The following SLFN11 variants were observed in gnomAD, a reference collection of about 807,000 sequenced individuals.
SLFN11 encodes schlafen family member 11.
A neutral mutation model predicts 53.4 loss-of-function variants in SLFN11; 43 were observed. That is an observed-to-expected ratio of 0.80 (90% CI 0.63 to 1.04). The LOEUF is 1.04. Ranked by LOEUF, SLFN11 falls within the 50% of genes least tolerant of loss-of-function variation. The probability of loss-of-function intolerance (pLI) is 0.00; values close to 1 mark genes in which losing one functional copy is unlikely to be tolerated. For missense variants in SLFN11, 990 were observed against 1,079.1 expected (o/e 0.92, Z 1.16); for synonymous variants, 389 against 394.7 (o/e 0.99, Z 0.17).
rs1328037924 is a variant in SLFN11 at position 35,352,486 on chromosome 17, C to T, written c.2576G>A (p.Gly859Asp). 1.3e-5 allele frequency: 21 copies of T among 1,614,160 alleles called. No homozygotes were observed. Among genetic ancestry groups the T allele is most frequent in the Non-Finnish European group, 1.8e-5 (21 of 1,180,016 alleles). The change falls in exon 7 of 7, where the codon GGC becomes GAC. Residue 859 changes from glycine to aspartate, a missense_variant. By Grantham distance (94) the Gly-to-Asp change is moderately conservative (BLOSUM62 -1). Coordinates refer to ENST00000685675, the MANE Select transcript of SLFN11 (RefSeq NM_001376007.1). The part of the protein sequence containing the change: ...IVLDSVRRFS[G>D]LERSIVFGIH... ...CCCAAACACTATGCTCCTTTCCAGG[C>T]CTGAGAATCGCCGAACACTGTCCAA...
At chr17:35,365,360 T>C (rs1908826978) in intron 3 of SLFN11, among the ~76,000 whole-genome samples, 1 of 152,132 alleles carries the variant, frequency 6.6e-6, no homozygotes, top group Non-Finnish European at 1.5e-5. Context: ...CACAGCTCAC[T>C]GCAGCCTCAA....
At chr17:35,357,171 TG>T (rs1907619968) in intron 5 of SLFN11, among the ~76,000 whole-genome samples, 4 of 149,532 alleles carry the variant, frequency 2.7e-5, no homozygotes, top group Non-Finnish European at 6.0e-5. Context: ...TGTGTGTGTG[TG>T]TGTGTCTGTG....
At chr17:35,356,627 C>T (rs1318657808) in intron 5 of SLFN11, among the ~76,000 whole-genome samples, 1 of 152,012 alleles carries the variant, frequency 6.6e-6, no homozygotes, top group Non-Finnish European at 1.5e-5. Context: ...TGCACAATTC[C>T]TTATTCTTTT....
chr17:35,350,940 C>A lies in SLFN11; in HGVS notation c.*1416G>T, dbSNP rs534785632. On this transcript the variant is annotated 3_prime_UTR_variant, in exon 7 of 7. Transcript: ENST00000685675. ...AGTGTTTTAGAACGTTTTGTAGAGA[C>A]TGAAAAGCAAATAAATAATTGCATT... The A allele has an allele frequency of 6.6e-6, 1 of 152,334 alleles. No individual in the cohort carries two copies. The highest frequency in any genetic ancestry group is 1.9e-4 in the East Asian group (1 of 5,196). 9.4% of individuals were successfully genotyped at this position (152,334 alleles called of 1,614,324 possible).
At chr17:35,354,089 G>A (rs1434945192) in intron 5 of SLFN11, 30 bp from the exon 6 acceptor site, 4 of 1,537,304 alleles carry the variant, frequency 2.6e-6, no homozygotes, top group South Asian at 2.6e-5. Flanking sequence ...TAAATTAGAG[G>A]AAGAGAAATA....
chr17:35,362,764 T>G lies in SLFN11; in HGVS notation c.1044A>C (p.Val348=). 2 of 1,584,900 alleles carry G rather than the reference T, an allele frequency of 1.3e-6. No homozygotes were observed. The highest frequency in any genetic ancestry group is 1.7e-6 in the Non-Finnish European group (2 of 1,165,818). Residue 348 remains valine (V), a synonymous_variant, in exon 4 of 7, where the codon GTA becomes GTC. Coordinates refer to ENST00000685675, the MANE Select transcript of SLFN11 (RefSeq NM_001376007.1). ...YVCSLTTEKW[V]GMMTDTDPDL... is the part of the protein sequence containing the mutation. ...CTGGATCTGTGTCTGTCATCATGCC[T>G]ACCCATTTCTCGGTTGTCAGGCTGC...
Position 35,353,638 on chromosome 17 carries a change from G to A in SLFN11, c.1620C>T (p.Ser540=), listed in dbSNP as rs1056236162. 30 of 1,130,448 alleles carry A rather than the reference G, an allele frequency of 2.7e-5. No individual in the cohort carries two copies. Among genetic ancestry groups the A allele is most frequent in the Non-Finnish European group, 3.6e-5 (30 of 828,318 alleles). The allele number at this position is 1,130,448 out of a possible 1,614,324, so 70.0% of individuals were successfully genotyped here. Residue 540 remains serine, a synonymous_variant, in exon 6 of 7, where the codon AGC becomes AGT. Transcript: ENST00000685675. ...VSPMDYPASY[S]LAGTQHMEAL... Reference sequence around the variant, plus strand: ...CTTCCATGTGCTGGGTGCCTGCAAGGCTATAGGACGCAGGGTAATCCATCG... The same window carrying A: ...CTTCCATGTGCTGGGTGCCTGCAAGACTATAGGACGCAGGGTAATCCATCG...
intron 5 of SLFN11, among the ~76,000 whole-genome samples, chr17:35,359,274 A>T (rs1297620463): frequency 6.6e-6 from 1 of 152,096 alleles, no homozygotes; most frequent in Non-Finnish European, 1.5e-5. Flanking sequence ...CGCTTAATAG[A>T]TTTACTGTTA....
rs1296846511 is a variant in SLFN11, at chr17:35,351,366, G to C, written c.*990C>G. ...AGTGCAGGTTGGGGCTTCAACACGG[G>C]AATTTGGGGGTGAAGGGTGGGACAC... On this transcript the variant is annotated 3_prime_UTR_variant, in exon 7 of 7. Coordinates refer to ENST00000685675, the MANE Select transcript of SLFN11 (RefSeq NM_001376007.1). 6.6e-6 allele frequency: 1 copy of C among 152,114 alleles called. No homozygotes were observed. Among genetic ancestry groups the C allele is most frequent in the Non-Finnish European group, 1.5e-5 (1 of 68,044 alleles). The allele number at this position is 152,114 out of a possible 1,614,324, so 9.4% of individuals were successfully genotyped here.
At position 35,352,806 on chromosome 17, in the gene SLFN11, A is replaced by G; in HGVS notation, c.2256T>C (p.Pro752=). The G allele has an allele frequency of 6.2e-7, 1 of 1,614,244 alleles. No homozygotes were observed. Residue 752 remains proline, a synonymous_variant, in exon 7 of 7, where the codon CCT becomes CCC. Coordinates refer to ENST00000685675, the MANE Select transcript of SLFN11 (RefSeq NM_001376007.1). ...GGCACCCAGTGGGGATGTTAAATGAAGGATTACTTCTAATTACTTGCATTT... is the reference window on the plus strand; with the variant it reads ...GGCACCCAGTGGGGATGTTAAATGAGGGATTACTTCTAATTACTTGCATTT... The part of the protein sequence containing the change: ...QKEMQVIRSN[P]SFNIPTGCLE...
chr17:35,357,839 TA>T lies in SLFN11; in HGVS notation c.1198+2403del, dbSNP rs1002350287. ...TTAAAAAACAAATAAATAATAAAAT[TA>T]AAAATATATAATTATTTATATAATA... On this transcript the variant is annotated intron_variant, in intron 5 of 6. Transcript: ENST00000685675. Among the ~76,000 whole-genome samples, 173 of 144,622 alleles carry T rather than the reference TA, an allele frequency of 1.2e-3. 1 individual carries two copies. Among genetic ancestry groups the T allele is most frequent in the African/African-American group, 4.1e-3 (166 of 40,154 alleles). 94.9% of individuals were successfully genotyped at this position (144,622 alleles called of 152,430 possible).
intron 5 of SLFN11, among the ~76,000 whole-genome samples, chr17:35,356,797 TAC>T (rs61566848): frequency 0.042 from 5,906 of 139,796 alleles, 136 homozygotes; most frequent in South Asian, 0.08. Flanking sequence ...ATATGTAGCA[TAC>T]ACACACACAC....
chr17:35,358,042 T>G (rs1296290364), intron 5 of SLFN11, among the ~76,000 whole-genome samples: 1 of 150,070 alleles, frequency 6.7e-6, no homozygotes, highest in Non-Finnish European at 1.5e-5. Flanking sequence ...TTAAAATTGA[T>G]ATATAAAATA....
At chr17:35,358,991 C>A (rs1236105244) in intron 5 of SLFN11, among the ~76,000 whole-genome samples, 2 of 152,162 alleles carry the variant, frequency 1.3e-5, no homozygotes, top group East Asian at 3.9e-4. Context: ...GCACTCCAAC[C>A]TGGGTGACAG....
rs1906987399 is a variant in SLFN11 at position 35,353,264 on chromosome 17, A to C, written c.1922+72T>G. On this transcript the variant is annotated intron_variant, in intron 6 of 6. Coordinates refer to ENST00000685675, the MANE Select transcript of SLFN11 (RefSeq NM_001376007.1). Reference sequence around the variant, plus strand: ...CATTTTACCACTCAATTCTCAAGAAAGACGGTGACTTAGCAGAAAAAATTA... The same window carrying C: ...CATTTTACCACTCAATTCTCAAGAACGACGGTGACTTAGCAGAAAAAATTA... 28 of 1,607,254 alleles carry C rather than the reference A, an allele frequency of 1.7e-5. No individual in the cohort carries two copies. In the South Asian group the frequency reaches 3.1e-4, roughly 18 times the overall value.
In SLFN11 at chr17:35,352,742, G is replaced by A. The variant is rs150899761; in HGVS notation, c.2320C>T (p.Gln774Ter). ...TATTTCTTAATTCGTAAGGTTCCCT[G>A]AACACCCTGGGACCATTCGGCTTCA... ...FPEAEWSQGVQGTLRIKKYLT... is the reference protein window; with the variant it reads ...FPEAEWSQGV The change falls in exon 7 of 7, where the codon CAG (glutamine) becomes TAG (stop). Residue 774 changes from glutamine (Q) to a stop codon, truncating the protein, a stop_gained. Coordinates refer to ENST00000685675, the MANE Select transcript of SLFN11 (RefSeq NM_001376007.1). LOFTEE classifies it low-confidence loss of function (END_TRUNC). The A allele has an allele frequency of 3.7e-6, 6 of 1,614,058 alleles. No homozygotes were observed. The African/African-American group carries it at 5.3e-5, about 14-fold the overall frequency.
chr17:35,355,068 A>T (rs1451184703), intron 5 of SLFN11, among the ~76,000 whole-genome samples: 1 of 152,154 alleles, frequency 6.6e-6, no homozygotes, highest in Non-Finnish European at 1.5e-5. Context: ...ATAAAATAGG[A>T]TAATTGAGTA....
intron 4 of SLFN11, among the ~76,000 whole-genome samples, chr17:35,361,021 T>C (rs1282558626): frequency 1.3e-5 from 2 of 152,030 alleles, no homozygotes; most frequent in Non-Finnish European, 2.9e-5. Flanking sequence ...CATTATAGAG[T>C]GCATTAACTT....
rs1480581774 is a variant in SLFN11 at position 35,363,578 on chromosome 17, A to G, written c.230T>C (p.Leu77Ser). ...AATAAGCTCTCTCAAAGACTGTTCT[A>G]AATCCAGTCCCATCTCCACGGGATG... is the stretch of plus-strand genomic sequence containing the variant. ...VEHPVEMGLD[L>S]EQSLRELIQS... is the part of the protein sequence containing the mutation. Residue 77 changes from leucine to serine, a missense_variant, in exon 4 of 7, where the codon TTA becomes TCA. Leu to Ser is a moderately radical substitution (Grantham distance 145, BLOSUM62 -2). This residue lies in a region of SLFN11 where 521 missense variants were observed against 516.2 expected (regional missense o/e 1.01). Transcript: ENST00000685675. 1 of 1,613,970 alleles carries G rather than the reference A, an allele frequency of 6.2e-7. No homozygotes were observed. The highest frequency in any genetic ancestry group is 8.5e-7 in the Non-Finnish European group (1 of 1,179,974).
Sources: gnomAD v4.1 joint callset for allele counts (sites outside exome capture counted in the v4.1 genomes callset) on GRCh38, gnomAD v4.1.1 for gene constraint, gnomAD v4.1.1 regional missense constraint, MANE v1.5 for transcripts, NCBI Gene and HGNC (gene_info 2026-07-23, HGNC 2026-07-21) for gene names.